SLC24A2: variants seen among roughly 807,000 people sequenced by gnomAD.
The protein encoded by SLC24A2 is solute carrier family 24 member 2, also known as sodium/potassium/calcium exchanger 2.
SLC24A2 carries 36 observed loss-of-function variants against 62.0 expected under a neutral mutation model. The ratio of observed to expected loss-of-function variants is 0.58; its 90% confidence interval spans 0.44 to 0.77. SLC24A2 has a LOEUF of 0.77. SLC24A2 is among the 30% of genes least tolerant of loss of function. The probability of loss-of-function intolerance (pLI) is 0.00; values close to 1 mark genes in which losing one functional copy is unlikely to be tolerated. For synonymous variants in SLC24A2, 358 were observed against 294.0 expected (o/e 1.22, Z -2.23); for missense variants, 846 against 817.9 (o/e 1.03, Z -0.42).
the SLC24A2 span, among the ~76,000 whole-genome samples, chr9:20,261,733 CTTTTTTTTTT>C: frequency 1.3e-5 from 1 of 75,280 alleles, no homozygotes; most frequent in African/African-American, 5.4e-5. Context: ...AACACCAAAT[CTTTTTTTTTT>C]TTTTTTTTTT....
chr9:19,991,902 G>A, the SLC24A2 span, among the ~76,000 whole-genome samples: 1 of 152,158 alleles, frequency 6.6e-6, no homozygotes, highest in African/African-American at 2.4e-5. Flanking sequence ...GGAGGGCAGA[G>A]ACCCTAGAGA....
the SLC24A2 span, among the ~76,000 whole-genome samples, chr9:20,155,846 G>A: frequency 6.6e-6 from 1 of 151,698 alleles, no homozygotes; most frequent in Non-Finnish European, 1.5e-5. Flanking sequence ...TATCCTGAAT[G>A]ACTTCAAAGT....
the SLC24A2 span, among the ~76,000 whole-genome samples, chr9:20,040,198 G>C: frequency 6.6e-6 from 1 of 152,166 alleles, no homozygotes; most frequent in Non-Finnish European, 1.5e-5. Context: ...AAGAGCGATG[G>C]AACGATTTTT....
chr9:19,889,776 C>A, the SLC24A2 span, among the ~76,000 whole-genome samples: 1 of 152,002 alleles, frequency 6.6e-6, no homozygotes, highest in Non-Finnish European at 1.5e-5. Flanking sequence ...CACACCTATG[C>A]CAATGATTCA....
At chr9:19,897,557 A>G in the SLC24A2 span, among the ~76,000 whole-genome samples, 1 of 152,196 alleles carries the variant, frequency 6.6e-6, no homozygotes, top group Admixed American at 6.5e-5. Context: ...GAAAGTCCAT[A>G]TAAAACAACA....
chr9:19,964,639 T>C, the SLC24A2 span, among the ~76,000 whole-genome samples: 1 of 152,152 alleles, frequency 6.6e-6, no homozygotes, highest in Admixed American at 6.5e-5. Flanking sequence ...TTCCCCAGAA[T>C]TCCCTTTCTT....
chr9:20,272,654 C>A, the SLC24A2 span, among the ~76,000 whole-genome samples: 1 of 152,132 alleles, frequency 6.6e-6, no homozygotes, highest in Non-Finnish European at 1.5e-5. Flanking sequence ...CAAGGTAAAC[C>A]AATTGACTGA....
At chr9:19,906,708 A>C in the SLC24A2 span, among the ~76,000 whole-genome samples, 1 of 152,194 alleles carries the variant, frequency 6.6e-6, no homozygotes, top group Non-Finnish European at 1.5e-5. Context: ...ACCTCTATGC[A>C]AAAAAACTAG....
the SLC24A2 span, among the ~76,000 whole-genome samples, chr9:19,835,066 C>T: frequency 3.5e-3 from 539 of 152,158 alleles, 3 homozygotes; most frequent in African/African-American, 0.012. Context: ...AAAAGAGCTC[C>T]TGAAGGAAGC....
At chr9:19,761,467 T>TTTTAA (rs147911890) in intron 2 of SLC24A2, among the ~76,000 whole-genome samples, 14 of 150,302 alleles carry the variant, frequency 9.3e-5, no homozygotes, top group Non-Finnish European at 1.8e-4. Context: ...TTTTTTAATT[T>TTTTAA]TTTTATTTTA....
At chr9:20,144,072 G>T in the SLC24A2 span, among the ~76,000 whole-genome samples, 5 of 152,168 alleles carry the variant, frequency 3.3e-5, no homozygotes, top group Admixed American at 6.5e-5. Flanking sequence ...GGAAGCAAAT[G>T]GCTTGGTGGC....
the SLC24A2 span, among the ~76,000 whole-genome samples, chr9:19,923,544 C>A: frequency 3.3e-5 from 5 of 152,132 alleles, no homozygotes; most frequent in African/African-American, 1.2e-4. Flanking sequence ...TATTAGCCCA[C>A]CTTGGAAGCC....
At chr9:20,089,773 C>T in the SLC24A2 span, among the ~76,000 whole-genome samples, 3 of 151,590 alleles carry the variant, frequency 2.0e-5, no homozygotes, top group South Asian at 4.2e-4. Context: ...TACGGCACCC[C>T]ACAGTCACCA....
intron 4 of SLC24A2, among the ~76,000 whole-genome samples, chr9:19,610,081 G>T (rs899154664): frequency 6.6e-6 from 1 of 152,152 alleles, no homozygotes; most frequent in Non-Finnish European, 1.5e-5. Context: ...GATTACAGGT[G>T]CATTAGGTGA....
the SLC24A2 span, among the ~76,000 whole-genome samples, chr9:19,963,617 A>T: frequency 6.6e-6 from 1 of 152,242 alleles, no homozygotes; most frequent in South Asian, 2.1e-4. Context: ...CACATGAAAA[A>T]ATGCTCACCA....
chr9:20,189,650 A>G, the SLC24A2 span, among the ~76,000 whole-genome samples: 18 of 152,220 alleles, frequency 1.2e-4, 1 homozygote, highest in Non-Finnish European at 5.9e-5. Flanking sequence ...TGAATTTCAC[A>G]TGGCATGAGC....
chr9:19,965,935 T>C, the SLC24A2 span, among the ~76,000 whole-genome samples: 106 of 152,326 alleles, frequency 7.0e-4, 1 homozygote, highest in Admixed American at 2.0e-3. Context: ...CTACATCTCA[T>C]TGGCTCGGCA....
chr9:19,656,602 C>G lies in SLC24A2; in HGVS notation c.931-34303G>C, dbSNP rs186351390. The stretch of plus-strand genomic sequence containing the variant: ...TCTCACTTCTCCTATTTGGAAAATT[C>G]CTATGTTTTTATCCCCCACCTTCAG... On this transcript the variant is annotated intron_variant, in intron 2 of 10. Transcript: ENST00000341998. Among the ~76,000 whole-genome samples, 310 of 152,244 alleles carry G rather than the reference C, an allele frequency of 2.0e-3. 3 individuals carry two copies. The highest frequency in any genetic ancestry group is 6.8e-3 in the Middle Eastern group (2 of 294).
At chr9:19,574,816 A>G (rs908070511) in intron 6 of SLC24A2, among the ~76,000 whole-genome samples, 1 of 152,178 alleles carries the variant, frequency 6.6e-6, no homozygotes, top group African/African-American at 2.4e-5. Flanking sequence ...TCCTATTGAA[A>G]GCACACACTC....
Sources: gnomAD v4.1 joint callset for allele counts (sites outside exome capture counted in the v4.1 genomes callset) on GRCh38, gnomAD v4.1.1 for gene constraint, MANE v1.5 for transcripts, NCBI Gene and HGNC (gene_info 2026-07-23, HGNC 2026-07-21) for gene names.